The following DOCK2 variants were observed in gnomAD, a reference collection of about 807,000 sequenced individuals.
DOCK2 encodes the protein dedicator of cytokinesis 2, also known as dedicator of cytokinesis protein 2.
DOCK2 carries 87 observed loss-of-function variants against 248.9 expected under a neutral mutation model. The ratio of observed to expected loss-of-function variants is 0.35; its 90% CI spans 0.29 to 0.42. The LOEUF is 0.42. Ranked by LOEUF, DOCK2 falls within the 10% of genes least tolerant of loss-of-function variation. The pLI is 1.00. For synonymous variants in DOCK2, 805 were observed against 821.6 expected (o/e 0.98, Z 0.35); for missense variants, 1,747 against 2,300.2 (o/e 0.76, Z 4.92).
chr5:169,804,788 ACT>A (rs1767250897), intron 26 of DOCK2, among the ~76,000 whole-genome samples: 1 of 151,990 alleles, frequency 6.6e-6, no homozygotes, highest in Non-Finnish European at 1.5e-5. Flanking sequence ...TCTGATTCAG[ACT>A]CTGTGTAATC....
At chr5:169,640,853 A>G (rs533570064) in intron 1 of DOCK2, among the ~76,000 whole-genome samples, 11 of 152,354 alleles carry the variant, frequency 7.2e-5, no homozygotes, top group Admixed American at 7.2e-4. Flanking sequence ...AAAATAATCA[A>G]TATGCCCTAT....
At chr5:170,032,944 C>T (rs547854293) in intron 34 of DOCK2, among the ~76,000 whole-genome samples, 4 of 152,156 alleles carry the variant, frequency 2.6e-5, no homozygotes, top group East Asian at 1.9e-4. Context: ...CCTGGGAACA[C>T]GCTCTGGTGT....
At chr5:169,770,290 C>CTTTTTTTT (rs60938799) in intron 25 of DOCK2, among the ~76,000 whole-genome samples, 3 of 101,638 alleles carry the variant, frequency 3.0e-5, no homozygotes, top group African/African-American at 4.0e-5. Flanking sequence ...ATTCTTGAGT[C>CTTTTTTTT]TTTTTTTTTT....
chr5:170,045,937 T>C (rs751960415), intron 39 of DOCK2, 32 bp downstream of exon 39: 10 of 1,608,454 alleles, frequency 6.2e-6, no homozygotes, highest in African/African-American at 1.3e-5. Context: ...CTGAATGCCC[T>C]GCAGGCTGGG....
intron 25 of DOCK2, among the ~76,000 whole-genome samples, chr5:169,766,228 C>G (rs1192285833): frequency 6.6e-6 from 1 of 152,134 alleles, no homozygotes; most frequent in African/African-American, 2.4e-5. Flanking sequence ...CTCCCACCCT[C>G]TACCCTCAAG....
intron 46 of DOCK2, among the ~76,000 whole-genome samples, chr5:170,071,093 C>T (rs1178811692): frequency 6.6e-6 from 1 of 152,222 alleles, no homozygotes; most frequent in African/African-American, 2.4e-5. Flanking sequence ...ATATCCCTCC[C>T]ACCCAGCGCC....
chr5:170,057,394 T>C (rs1757168468), intron 43 of DOCK2, 186 bp from the exon 44 acceptor site: 6 of 653,606 alleles, frequency 9.2e-6, no homozygotes, highest in Non-Finnish European at 1.4e-5. Context: ...TTACACTTAA[T>C]GTTGGGAAAG....
Position 169,714,412 on chromosome 5 carries a change from GA to G in DOCK2, c.1898del (p.Asn633IlefsTer2). 1.2e-6 allele frequency: 2 copies of G among 1,614,118 alleles called. No individual in the cohort carries two copies. Among genetic ancestry groups the G allele is most frequent in the Non-Finnish European group, 1.7e-6 (2 of 1,179,968 alleles). On this transcript the variant is annotated frameshift_variant, in exon 19 of 52. Transcript: ENST00000520908. LOFTEE classifies it high-confidence loss of function. ...GTATGAAGCCTCAACTGCTACAGGA[GA>G]ATTTAGAAAAGTTGAAGATTGTGGA... ...WRMKPQLLQE[N>X]LEKLKIVDGE...
intron 13 of DOCK2, 70 bp downstream of exon 13, chr5:169,700,209 C>T (rs1156647667): frequency 6.5e-7 from 1 of 1,547,714 alleles, no homozygotes; most frequent in Admixed American, 2.0e-5. Flanking sequence ...ATTCATTTTC[C>T]TTCTAAAGAG....
At chr5:170,019,233 A>G (rs1755640394) in intron 33 of DOCK2, 125 bp downstream of exon 33, 5 of 1,436,894 alleles carry the variant, frequency 3.5e-6, no homozygotes, top group Non-Finnish European at 3.8e-6. Flanking sequence ...AGGGACATTT[A>G]TTCATGGGTC....
intron 27 of DOCK2, among the ~76,000 whole-genome samples, chr5:169,922,999 A>G (rs770427877): frequency 5.3e-5 from 8 of 152,246 alleles, no homozygotes; most frequent in Non-Finnish European, 1.2e-4. Flanking sequence ...TCGGTCCCAC[A>G]GACAGATATA....
intron 25 of DOCK2, among the ~76,000 whole-genome samples, chr5:169,771,034 C>A (rs1383359391): frequency 6.6e-6 from 1 of 152,194 alleles, no homozygotes; most frequent in Non-Finnish European, 1.5e-5. Context: ...ACACTCTTTT[C>A]CAAAGGTGGT....
chr5:169,894,921 G>A (rs143069755), intron 27 of DOCK2, among the ~76,000 whole-genome samples: 12 of 152,286 alleles, frequency 7.9e-5, no homozygotes, highest in South Asian at 4.1e-4. Flanking sequence ...CAAATGTCCC[G>A]TCTGCTGGTT....
chr5:169,875,452 G>C (rs1772270402), intron 27 of DOCK2: 1 of 369,426 alleles, frequency 2.7e-6, no homozygotes, highest in South Asian at 2.0e-5. Flanking sequence ...ATTCCACTGA[G>C]ACCTAATATC....
At chr5:170,038,304 G>T (rs1053427664) in intron 36 of DOCK2, among the ~76,000 whole-genome samples, 6 of 152,060 alleles carry the variant, frequency 3.9e-5, no homozygotes, top group African/African-American at 1.4e-4. Context: ...AAACACAGAC[G>T]GCAAATCCCA....
chr5:169,726,947 G>A (rs1762502964), intron 22 of DOCK2, among the ~76,000 whole-genome samples: 1 of 152,024 alleles, frequency 6.6e-6, no homozygotes, highest in Non-Finnish European at 1.5e-5. Flanking sequence ...GGCTAGCCAG[G>A]TGCGGTGGCT....
intron 8 of DOCK2, among the ~76,000 whole-genome samples, 153 bp downstream of exon 8, chr5:169,684,503 G>A (rs1759843517): frequency 1.3e-5 from 2 of 152,244 alleles, no homozygotes; most frequent in African/African-American, 2.4e-5. Context: ...GGAGGTTGTA[G>A]GAGTCAAGTG....
At chr5:169,683,931 T>C (rs915575348) in intron 7 of DOCK2, among the ~76,000 whole-genome samples, 4 of 152,212 alleles carry the variant, frequency 2.6e-5, no homozygotes, top group African/African-American at 9.7e-5. Flanking sequence ...ATTTAAGCAA[T>C]ATTTTTCTTT....
At chr5:170,029,989 GA>G (rs1756072237) in intron 34 of DOCK2, among the ~76,000 whole-genome samples, 1 of 152,222 alleles carries the variant, frequency 6.6e-6, no homozygotes, top group South Asian at 2.1e-4. Flanking sequence ...GCCAGAAGGA[GA>G]AACCCACTGT....
Sources: gnomAD v4.1 joint callset for allele counts (sites outside exome capture counted in the v4.1 genomes callset) on GRCh38, gnomAD v4.1.1 for gene constraint, MANE v1.5 for transcripts, NCBI Gene and HGNC (gene_info 2026-07-23, HGNC 2026-07-21) for gene names.